CYP26A1: variants seen among roughly 807,000 people sequenced by gnomAD.
CYP26A1 encodes the protein cytochrome P450 family 26 subfamily A member 1.
A neutral mutation model predicts 47.4 loss-of-function variants in CYP26A1; 46 were observed. The ratio of observed to expected loss-of-function variants is 0.97; its 90% CI spans 0.77 to 1.24. The LOEUF (loss-of-function observed/expected upper bound fraction) is 1.24, where lower values mean the gene tolerates loss of function less well. Among genes scored for constraint, CYP26A1 ranks in the 50% most tolerant of loss-of-function variants. The probability of loss-of-function intolerance (pLI) is 0.00; values close to 1 mark genes in which losing one functional copy is unlikely to be tolerated. For synonymous variants in CYP26A1, 277 were observed against 263.7 expected (o/e 1.05, Z -0.49); for missense variants, 680 against 644.4 (o/e 1.06, Z -0.60).
At chr10:93,076,251 G>A (rs1001302064) in intron 5 of CYP26A1, 10 of 481,098 alleles carry the variant, frequency 2.1e-5, no homozygotes, top group African/African-American at 1.6e-4. Flanking sequence ...GTGTGTCCAA[G>A]GGCATACATA....
chr10:93,076,611 T>C lies in CYP26A1; in HGVS notation c.1067T>C (p.Ile356Thr), dbSNP rs561301934. The C allele has an allele frequency of 2.5e-6, 4 of 1,605,334 alleles. No homozygotes were observed. The African/African-American group carries it at 5.3e-5, about 21-fold the overall frequency. The change falls in exon 6 of 7, where the codon ATC becomes ACC. Residue 356 changes from isoleucine to threonine, a missense_variant. Transcript: ENST00000224356. ...DMEILEQLKYIGCVIKETLRL... is the reference protein window; with the variant it reads ...DMEILEQLKYTGCVIKETLRL... ...GAAATTTTGGAACAACTTAAATACATCGGGTGTGTTATTAAGGAGACCCTT... is the reference window on the plus strand; with the variant it reads ...GAAATTTTGGAACAACTTAAATACACCGGGTGTGTTATTAAGGAGACCCTT...
Position 93,074,887 on chromosome 10 carries a change from C to A in CYP26A1, c.523C>A (p.Leu175Ile), listed in dbSNP as rs1349043383. ...EQWLSCGERG[L>I]LVYPEVKRLM... ...GTGGCTGAGCTGCGGCGAGCGCGGC[C>A]TCCTGGTCTACCCCGAGGTGAAGCG... The change falls in exon 3 of 7, where the codon CTC becomes ATC. Residue 175 changes from leucine to isoleucine, a missense_variant. By Grantham distance (5) the Leu-to-Ile change is conservative. Transcript: ENST00000224356. The surrounding 1 kb of genome is among the most constrained non-coding windows in gnomAD (Gnocchi z 5.3). The A allele has an allele frequency of 6.2e-7, 1 of 1,613,110 alleles. No homozygotes were observed.
chr10:93,074,655 G>C lies in CYP26A1; in HGVS notation c.414+123G>C. ...GGGCTAGGACCCTCTGCCAGCTCCA[G>C]GTTAGCTTTCCCAGCTCGGAGAGTG... On this transcript the variant is annotated intron_variant, in intron 2 of 6. Coordinates refer to ENST00000224356, the MANE Select transcript of CYP26A1 (RefSeq NM_000783.4). The surrounding 1 kb of genome is among the most constrained non-coding windows in gnomAD (Gnocchi z 5.3). The C allele has an allele frequency of 9.2e-7, 1 of 1,087,848 alleles. No homozygotes were observed. 67.4% of individuals were successfully genotyped at this position (1,087,848 alleles called of 1,614,324 possible).
chr10:93,076,686 T>A lies in CYP26A1; in HGVS notation c.1142T>A (p.Phe381Tyr). 6.3e-7 allele frequency: 1 copy of A among 1,597,868 alleles called. No individual in the cohort carries two copies. Among genetic ancestry groups the A allele is most frequent in the Non-Finnish European group, 8.5e-7 (1 of 1,174,274 alleles). Residue 381 changes from phenylalanine to tyrosine, a missense_variant, in exon 6 of 7, where the codon TTT becomes TAT. Physicochemically the swap from Phe to Tyr is conservative, Grantham distance 22 (BLOSUM62 3). Transcript: ENST00000224356. ...PGGFRVALKT[F>Y]ELNGYQIPKG... is the part of the protein sequence containing the mutation. Reference sequence around the variant, plus strand: ...GGGTTTCGGGTTGCTCTGAAGACTTTTGAATTAAATGTAAGTTAAAATTCT... The same window carrying A: ...GGGTTTCGGGTTGCTCTGAAGACTTATGAATTAAATGTAAGTTAAAATTCT...
Position 93,076,600 on chromosome 10 carries a change from A to G in CYP26A1, c.1056A>G (p.Gln352=), listed in dbSNP as rs1564958003. The change falls in exon 6 of 7, where the codon CAA becomes CAG. Residue 352 remains glutamine (Q), a synonymous_variant. Coordinates refer to ENST00000224356, the MANE Select transcript of CYP26A1 (RefSeq NM_000783.4). The part of the protein sequence containing the change: ...DNKLDMEILE[Q]LKYIGCVIKE... ...AGTTGGACATGGAAATTTTGGAACA[A>G]CTTAAATACATCGGGTGTGTTATTA... 6.2e-7 allele frequency: 1 copy of G among 1,607,294 alleles called. No homozygotes were observed. Among genetic ancestry groups the G allele is most frequent in the African/African-American group, 1.3e-5 (1 of 74,894 alleles).
At chr10:93,076,924 C>T in intron 6 of CYP26A1, 39 bp from the exon 7 acceptor site, 1 of 1,346,562 alleles carries the variant, frequency 7.4e-7, no homozygotes, top group Middle Eastern at 2.2e-4. Flanking sequence ...AAGTTAAATT[C>T]CAGTTTGTCA....
chr10:93,074,755 C>A lies in CYP26A1; in HGVS notation c.415-24C>A, dbSNP rs747951203. On this transcript the variant is annotated intron_variant, in intron 2 of 6. Coordinates refer to ENST00000224356, the MANE Select transcript of CYP26A1 (RefSeq NM_000783.4). The surrounding 1 kb of genome is among the most constrained non-coding windows in gnomAD (Gnocchi z 5.3). The stretch of plus-strand genomic sequence containing the variant: ...GAGAGGGGCGGATGGAGGCTTTTAA[C>A]GCTGTCCCCTCCTCGGGACTCAGGT... 2.5e-6 allele frequency: 4 copies of A among 1,579,150 alleles called. No individual in the cohort carries two copies. The highest frequency in any genetic ancestry group is 1.1e-5 in the South Asian group (1 of 88,108).
rs746618356 is a variant in CYP26A1 at position 93,076,690 on chromosome 10, A to G, written c.1146A>G (p.Glu382=). Reference sequence around the variant, plus strand: ...TTCGGGTTGCTCTGAAGACTTTTGAATTAAATGTAAGTTAAAATTCTCTTC... The same window carrying G: ...TTCGGGTTGCTCTGAAGACTTTTGAGTTAAATGTAAGTTAAAATTCTCTTC... ...GGFRVALKTF[E]LNGYQIPKGW... The change falls in exon 6 of 7, where the codon GAA becomes GAG. Residue 382 remains glutamate, a synonymous_variant. Transcript: ENST00000224356. 1 of 1,597,456 alleles carries G rather than the reference A, an allele frequency of 6.3e-7. No individual in the cohort carries two copies. Among genetic ancestry groups the G allele is most frequent in the Non-Finnish European group, 8.5e-7 (1 of 1,173,076 alleles).
In CYP26A1 at chr10:93,074,865, G is replaced by A. The variant is rs764012692; in HGVS notation, c.501G>A (p.Trp167Ter). The change falls in exon 3 of 7, where the codon TGG becomes TGA. Residue 167 changes from tryptophan (W) to a stop codon, truncating the protein, a stop_gained. Transcript: ENST00000224356. LOFTEE classifies it high-confidence loss of function. The surrounding 1 kb of genome is among the most constrained non-coding windows in gnomAD (Gnocchi z 5.3). ...TEEVGSSLEQ[W>*]LSCGERGLLV... is the part of the protein sequence containing the mutation. ...AAGTGGGCAGCAGCCTGGAGCAGTGGCTGAGCTGCGGCGAGCGCGGCCTCC... is the reference window on the plus strand; with the variant it reads ...AAGTGGGCAGCAGCCTGGAGCAGTGACTGAGCTGCGGCGAGCGCGGCCTCC... The A allele has an allele frequency of 8.1e-6, 13 of 1,612,714 alleles. No homozygotes were observed. The highest frequency in any genetic ancestry group is 3.3e-5 in the South Asian group (3 of 91,082).
chr10:93,074,155 C>T lies in CYP26A1; in HGVS notation c.189+32C>T. ...GAGGGTGGGGCGGGACAGGCTGCTT[C>T]CCCGGAGCCCGGCGCGGCTCTGGGC... On this transcript the variant is annotated intron_variant, in intron 1 of 6. Transcript: ENST00000224356. This position sits in a 1 kb window ranked among gnomAD's most constrained non-coding sequence, Gnocchi z 5.3. The T allele has an allele frequency of 1.3e-6, 2 of 1,525,900 alleles. No individual in the cohort carries two copies. Among genetic ancestry groups the T allele is most frequent in the South Asian group, 1.2e-5 (1 of 81,424 alleles). 94.5% of individuals were successfully genotyped at this position (1,525,900 alleles called of 1,614,324 possible). A position where few individuals can be genotyped will look rare whatever the true frequency, so the allele number is the denominator to read the frequency against.
At position 93,074,414 on chromosome 10, in the gene CYP26A1, G is replaced by T. The variant is rs1318002760; in HGVS notation, c.296G>T (p.Arg99Leu). 1.2e-5 allele frequency: 19 copies of T among 1,611,384 alleles called. No individual in the cohort carries two copies. The highest frequency in any genetic ancestry group is 1.4e-5 in the Non-Finnish European group (17 of 1,178,260). ...GTGATGGGCGCGGACAATGTGCGGC[G>T]CATCTTGCTCGGAGAGCACCGGCTG... ...VRVMGADNVR[R>L]ILLGEHRLVS... The change falls in exon 2 of 7, where the codon CGC becomes CTC. Residue 99 changes from arginine (R) to leucine (L), a missense_variant. Arg to Leu is a moderately radical substitution (Grantham distance 102). Coordinates refer to ENST00000224356, the MANE Select transcript of CYP26A1 (RefSeq NM_000783.4). This position sits in a 1 kb window ranked among gnomAD's most constrained non-coding sequence, Gnocchi z 5.3.
In CYP26A1 at chr10:93,076,533, T is replaced by C. The variant is rs751808021; in HGVS notation, c.1000-11T>C. 1.3e-6 allele frequency: 2 copies of C among 1,595,258 alleles called. No individual in the cohort carries two copies. The highest frequency in any genetic ancestry group is 1.1e-5 in the South Asian group (1 of 88,772). ...AAATAACTGTTCACCTCTGTATGACTGTTTTGATAGGGTTTACTTTGCAAG... is the reference window on the plus strand; with the variant it reads ...AAATAACTGTTCACCTCTGTATGACCGTTTTGATAGGGTTTACTTTGCAAG... On this transcript the variant is annotated splice_polypyrimidine_tract_variant and intron_variant, in intron 5 of 6. Coordinates refer to ENST00000224356, the MANE Select transcript of CYP26A1 (RefSeq NM_000783.4).
chr10:93,075,447 C>T (rs1288228258), intron 4 of CYP26A1, 140 bp downstream of exon 4: 2 of 771,096 alleles, frequency 2.6e-6, no homozygotes, highest in Non-Finnish European at 4.1e-6. Context: ...CTATGGAATC[C>T]CGAAGGAAGG....
Position 93,074,159 on chromosome 10 carries a change from G to C in CYP26A1, c.189+36G>C. 4 of 1,525,654 alleles carry C rather than the reference G, an allele frequency of 2.6e-6. No individual in the cohort carries two copies. The highest frequency in any genetic ancestry group is 3.5e-6 in the Non-Finnish European group (4 of 1,134,188). The allele number at this position is 1,525,654 out of a possible 1,614,324, so 94.5% of individuals were successfully genotyped here. The stretch of plus-strand genomic sequence containing the variant: ...GTGGGGCGGGACAGGCTGCTTCCCC[G>C]GAGCCCGGCGCGGCTCTGGGCTTCT... On this transcript the variant is annotated intron_variant, in intron 1 of 6. Coordinates refer to ENST00000224356, the MANE Select transcript of CYP26A1 (RefSeq NM_000783.4). The surrounding 1 kb of genome is among the most constrained non-coding windows in gnomAD (Gnocchi z 5.3).
rs1846972953 is a variant in CYP26A1, at chr10:93,075,930, C to A, written c.969C>A (p.Leu323=). ...ACCTGGGGCTCTACCCACATGTTCT[C>A]CAGAAAGTGCGAGAAGAGCTGAAGA... ...ITYLGLYPHV[L]QKVREELKSK... The change falls in exon 5 of 7, where the codon CTC becomes CTA. Residue 323 remains leucine, a synonymous_variant. Transcript: ENST00000224356. The A allele has an allele frequency of 6.2e-7, 1 of 1,612,836 alleles. No homozygotes were observed. The highest frequency in any genetic ancestry group is 1.1e-5 in the South Asian group (1 of 91,070).
chr10:93,076,368 A>G (rs2134424521), intron 5 of CYP26A1, 176 bp from the exon 6 acceptor site: 1 of 578,714 alleles, frequency 1.7e-6, no homozygotes, highest in East Asian at 2.9e-5. Flanking sequence ...CTGGGATTGT[A>G]AATAGATAGT....
chr10:93,074,289 C>T lies in CYP26A1; in HGVS notation c.190-19C>T. On this transcript the variant is annotated intron_variant, in intron 1 of 6. Coordinates refer to ENST00000224356, the MANE Select transcript of CYP26A1 (RefSeq NM_000783.4). This position sits in a 1 kb window ranked among gnomAD's most constrained non-coding sequence, Gnocchi z 5.3. ...GCGCCCCCTCATGCCCACTTCTCTC[C>T]TCCGCCTTCCTCCCACAGCGGAGGA... 1 of 1,565,560 alleles carries T rather than the reference C, an allele frequency of 6.4e-7. No homozygotes were observed. Among genetic ancestry groups the T allele is most frequent in the Non-Finnish European group, 8.8e-7 (1 of 1,137,678 alleles).
Position 93,074,491 on chromosome 10 carries a change from C to G in CYP26A1, c.373C>G (p.Leu125Val). 6.2e-7 allele frequency: 1 copy of G among 1,611,128 alleles called. No individual in the cohort carries two copies. Among genetic ancestry groups the G allele is most frequent in the Non-Finnish European group, 8.5e-7 (1 of 1,177,960 alleles). Residue 125 changes from leucine (L) to valine (V), a missense_variant, in exon 2 of 7, where the codon CTC becomes GTC. By Grantham distance (32) the Leu-to-Val change is conservative. Transcript: ENST00000224356. The surrounding 1 kb of genome is among the most constrained non-coding windows in gnomAD (Gnocchi z 5.3). The stretch of plus-strand genomic sequence containing the variant: ...GCGCACCATTCTGGGATCTGGCTGC[C>G]TCTCTAACCTGCACGACTCCTCGCA... ...SVRTILGSGC[L>V]SNLHDSSHKQ...
intron 5 of CYP26A1, 111 bp downstream of exon 5, chr10:93,076,071 C>A: frequency 1.3e-6 from 1 of 791,974 alleles, no homozygotes; most frequent in Non-Finnish European, 2.1e-6. Context: ...TTTGAAAGTG[C>A]AGGGCCCAGG....
Sources: allele counts gnomAD v4.1 joint callset, GRCh38; gene constraint gnomAD v4.1.1; non-coding constraint Gnocchi (gnomAD v3.1); transcripts MANE v1.5; gene names NCBI Gene and HGNC (gene_info 2026-07-23, HGNC 2026-07-21).